Variants in LINGO2 observed in about 807,000 individuals in gnomAD.
LINGO2 encodes leucine rich repeat and Ig domain containing 2.
A neutral mutation model predicts 30.6 loss-of-function variants in LINGO2; 14 were observed. The observed-to-expected ratio is 0.46, with a 90% CI of 0.30 to 0.72. The LOEUF (loss-of-function observed/expected upper bound fraction) is 0.72. LINGO2 is among the 30% of genes least tolerant of loss of function. The pLI is 0.07. For missense variants in LINGO2, 729 were observed against 751.7 expected (o/e 0.97, Z 0.35); for synonymous variants, 317 against 288.5 (o/e 1.10, Z -1.00).
intron 1 of LINGO2, among the ~76,000 whole-genome samples, chr9:28,565,469 G>T (rs2135569041): frequency 6.6e-6 from 1 of 151,568 alleles, no homozygotes; most frequent in South Asian, 2.1e-4. Flanking sequence ...GTAGGCGTGA[G>T]GCATCATGCC....
intron 4 of LINGO2, among the ~76,000 whole-genome samples, chr9:28,211,987 T>C (rs1820609622): frequency 6.6e-6 from 1 of 151,342 alleles, no homozygotes; most frequent in African/African-American, 2.4e-5. Context: ...TGCACCAACC[T>C]AATAGTTTAG....
At chr9:28,940,933 C>A in the LINGO2 span, among the ~76,000 whole-genome samples, 3 of 151,250 alleles carry the variant, frequency 2.0e-5, no homozygotes, top group African/African-American at 7.3e-5. Context: ...TTAAATGCCC[C>A]TGAAAAGAGA....
At chr9:28,839,659 G>C in the LINGO2 span, among the ~76,000 whole-genome samples, 1 of 152,124 alleles carries the variant, frequency 6.6e-6, no homozygotes, top group Non-Finnish European at 1.5e-5. Context: ...TGCTTCAGAG[G>C]GGAGGAAGTG....
At chr9:28,228,918 G>T (rs982684929) in intron 4 of LINGO2, among the ~76,000 whole-genome samples, 42 of 151,592 alleles carry the variant, frequency 2.8e-4, no homozygotes, top group African/African-American at 1.0e-3. Context: ...AACTTGATTA[G>T]CATAGAAATT....
At chr9:29,130,540 T>A in the LINGO2 span, among the ~76,000 whole-genome samples, 1 of 152,118 alleles carries the variant, frequency 6.6e-6, no homozygotes, top group Non-Finnish European at 1.5e-5. Context: ...GAATCCATAA[T>A]TCCCCCAGAG....
At chr9:29,096,835 T>C in the LINGO2 span, among the ~76,000 whole-genome samples, 1 of 140,336 alleles carries the variant, frequency 7.1e-6, no homozygotes, top group African/African-American at 2.7e-5. Context: ...CTTCCTTTCA[T>C]ATTCACCAAA....
the LINGO2 span, among the ~76,000 whole-genome samples, chr9:28,902,638 G>C: frequency 6.6e-6 from 1 of 152,056 alleles, no homozygotes; most frequent in Non-Finnish European, 1.5e-5. Context: ...CACTGGGACA[G>C]AAAATAAGTC....
At chr9:28,525,959 G>A (rs1427218394) in intron 1 of LINGO2, among the ~76,000 whole-genome samples, 3 of 149,756 alleles carry the variant, frequency 2.0e-5, no homozygotes, top group Admixed American at 1.3e-4. Context: ...GGGAGACTGA[G>A]GCAGAAGAAT....
intron 1 of LINGO2, among the ~76,000 whole-genome samples, chr9:28,618,321 C>A (rs751698086): frequency 1.3e-5 from 2 of 152,094 alleles, no homozygotes; most frequent in African/African-American, 4.8e-5. Context: ...TTCTCTTTTA[C>A]TCACTACACA....
rs1333795261 is a variant in LINGO2, at chr9:27,950,279, G to A, written c.393C>T (p.Leu131=). 2.5e-6 allele frequency: 4 copies of A among 1,614,152 alleles called. No individual in the cohort carries two copies. In the South Asian group the frequency reaches 4.4e-5, roughly 18 times the overall value. Residue 131 remains leucine, a synonymous_variant, in exon 6 of 6, where the codon CTC becomes CTT. Transcript: ENST00000379992. ...TATTCTCACTAATGTCAAGCTTAGT[G>A]AGATTGGACAGCCCCGTGAATACTC...
At chr9:28,842,323 G>C in the LINGO2 span, among the ~76,000 whole-genome samples, 1 of 151,772 alleles carries the variant, frequency 6.6e-6, no homozygotes, top group Non-Finnish European at 1.5e-5. Context: ...AGGAAACTGA[G>C]GCTCAGAAAT....
chr9:28,007,239 A>C (rs2119204777), intron 5 of LINGO2, among the ~76,000 whole-genome samples: 1 of 152,250 alleles, frequency 6.6e-6, no homozygotes, highest in South Asian at 2.1e-4. Flanking sequence ...CTCATCGTCC[A>C]CGTTAGGAAG....
chr9:28,202,751 T>C (rs1820282466), intron 4 of LINGO2, among the ~76,000 whole-genome samples: 1 of 152,138 alleles, frequency 6.6e-6, no homozygotes, highest in East Asian at 1.9e-4. Context: ...TGTACCTCAT[T>C]AGGCTGAGAA....
At chr9:29,128,888 A>G in the LINGO2 span, among the ~76,000 whole-genome samples, 1 of 152,178 alleles carries the variant, frequency 6.6e-6, no homozygotes, top group African/African-American at 2.4e-5. Context: ...CAATAAGTAA[A>G]TAAGTCTAAG....
At chr9:28,045,390 CCTAAT>C (rs1824374660) in intron 4 of LINGO2, among the ~76,000 whole-genome samples, 1 of 152,092 alleles carries the variant, frequency 6.6e-6, no homozygotes, top group Non-Finnish European at 1.5e-5. Context: ...TTCCGAATTA[CCTAAT>C]AAGAATCAAG....
At chr9:28,611,877 G>C (rs1825934297) in intron 1 of LINGO2, among the ~76,000 whole-genome samples, 1 of 151,714 alleles carries the variant, frequency 6.6e-6, no homozygotes, top group Non-Finnish European at 1.5e-5. Flanking sequence ...CTGGAGTGCA[G>C]TGGCGCGATC....
At chr9:28,648,928 T>G (rs1462300168) in intron 1 of LINGO2, among the ~76,000 whole-genome samples, 1 of 151,946 alleles carries the variant, frequency 6.6e-6, no homozygotes, top group Non-Finnish European at 1.5e-5. Flanking sequence ...TAGGGGGCGG[T>G]AAAGAGACAA....
intron 2 of LINGO2, among the ~76,000 whole-genome samples, chr9:28,456,498 A>C (rs1192107586): frequency 6.6e-6 from 1 of 152,190 alleles, no homozygotes; most frequent in East Asian, 1.9e-4. Context: ...ACCAAAAGAG[A>C]AATTTGGGCT....
chr9:29,130,430 T>A, the LINGO2 span, among the ~76,000 whole-genome samples: 4 of 152,066 alleles, frequency 2.6e-5, no homozygotes, highest in Non-Finnish European at 5.9e-5. Context: ...GAGGCCTCAA[T>A]CCTCTGCAAA....
Sources: allele counts gnomAD v4.1 joint callset (sites outside exome capture counted in the v4.1 genomes callset), GRCh38; gene constraint gnomAD v4.1.1; transcripts MANE v1.5; gene names NCBI Gene and HGNC (gene_info 2026-07-23, HGNC 2026-07-21).